RBFOX1: variants seen among roughly 807,000 people sequenced by gnomAD.
RBFOX1 encodes the protein RNA binding protein fox-1 homolog 1.
In RBFOX1, 8 loss-of-function variants were observed where a neutral mutation model predicts 57.7. The observed-to-expected ratio is 0.14, with a 90% CI of 0.08 to 0.25. The LOEUF (loss-of-function observed/expected upper bound fraction) is 0.25, where lower values mean the gene tolerates loss of function less well. RBFOX1 is among the 10% of genes least tolerant of loss of function. RBFOX1 has a pLI of 1.00. For missense variants in RBFOX1, 611 were observed against 548.5 expected, an observed-to-expected ratio of 1.11 and a Z score of -1.14; for synonymous variants, 326 against 222.4, an observed-to-expected ratio of 1.47 and a Z score of -4.15.
At chr16:6,610,606 C>G (rs544712691) in intron 2 of RBFOX1, among the ~76,000 whole-genome samples, 1 of 152,020 alleles carries the variant, frequency 6.6e-6, no homozygotes, top group African/African-American at 2.4e-5. Flanking sequence ...CTGGGATTAC[C>G]GGTGTAAACT....
intron 4 of RBFOX1, among the ~76,000 whole-genome samples, chr16:7,386,251 T>C (rs2097878943): frequency 6.6e-6 from 1 of 152,192 alleles, no homozygotes; most frequent in Non-Finnish European, 1.5e-5. Flanking sequence ...TCCTTTATGA[T>C]ACTTTCAGTT....
intron 2 of RBFOX1, among the ~76,000 whole-genome samples, chr16:5,489,800 C>G (rs1003655728): frequency 6.6e-6 from 1 of 152,192 alleles, no homozygotes; most frequent in Non-Finnish European, 1.5e-5. Flanking sequence ...GGTCACCCAG[C>G]TCATATAGTG....
intron 4 of RBFOX1, among the ~76,000 whole-genome samples, chr16:7,485,299 G>A (rs1433415389): frequency 6.6e-6 from 1 of 152,168 alleles, no homozygotes; most frequent in African/African-American, 2.4e-5. Context: ...GGCAGACCAC[G>A]CAGTGACTAT....
intron 4 of RBFOX1, among the ~76,000 whole-genome samples, chr16:7,316,501 C>G (rs1167086926): frequency 1.3e-5 from 2 of 152,148 alleles, no homozygotes; most frequent in East Asian, 1.9e-4. Context: ...CTTATTTAGC[C>G]TCTGTCTCAG....
intron 3 of RBFOX1, among the ~76,000 whole-genome samples, chr16:6,723,234 T>C (rs201383024): frequency 1.3e-5 from 2 of 152,216 alleles, no homozygotes; most frequent in Non-Finnish European, 2.9e-5. Context: ...TTCCCACTAA[T>C]ACTGTGAGAC....
intron 3 of RBFOX1, among the ~76,000 whole-genome samples, chr16:7,038,080 T>G (rs998936930): frequency 7.9e-5 from 12 of 152,000 alleles, no homozygotes; most frequent in African/African-American, 2.4e-4. Flanking sequence ...ATCCCCCACT[T>G]GCCCTCCCCT....
intron 4 of RBFOX1, among the ~76,000 whole-genome samples, chr16:7,328,096 C>A (rs960674734): frequency 6.6e-6 from 1 of 152,158 alleles, no homozygotes. Context: ...TGTCAAACTC[C>A]TGGGCTCAAG....
In RBFOX1 at chr16:5,651,040, C is replaced by CTTTTTTTTTTTTTTTTTTTTTTTT. The variant is rs869240597; in HGVS notation, c.318+52086_318+52109dup. ...TCCTCTGGGAGAACACTACCTCCTT[C>CTTTTTTTTTTTTTTTTTTTTTTTT]TTTTTTTTTTTTTTTTTTTTTTTTT... On this transcript the variant is annotated intron_variant, in intron 3 of 19. Coordinates refer to the RBFOX1 transcript ENST00000641259. Among the ~76,000 whole-genome samples, 2 of 56,854 alleles carry CTTTTTTTTTTTTTTTTTTTTTTTT rather than the reference C, an allele frequency of 3.5e-5. 1 individual carries two copies. Among genetic ancestry groups the CTTTTTTTTTTTTTTTTTTTTTTTT allele is most frequent in the Non-Finnish European group, 5.9e-5 (2 of 33,742 alleles). 37.3% of individuals were successfully genotyped at this position (56,854 alleles called of 152,430 possible).
intron 2 of RBFOX1, among the ~76,000 whole-genome samples, chr16:6,422,666 C>A (rs984799434): frequency 1.3e-5 from 2 of 152,062 alleles, no homozygotes; most frequent in Admixed American, 1.3e-4. Flanking sequence ...CAAAAGAGAA[C>A]AAGAGGGGCG....
intron 2 of RBFOX1, among the ~76,000 whole-genome samples, chr16:6,632,547 G>T (rs2154060376): frequency 6.6e-6 from 1 of 152,310 alleles, no homozygotes; most frequent in South Asian, 2.1e-4. Context: ...AGAGGCTCCT[G>T]TCTTTTACCA....
intron 4 of RBFOX1, among the ~76,000 whole-genome samples, chr16:7,331,284 C>G (rs1376894122): frequency 2.6e-5 from 4 of 152,170 alleles, no homozygotes; most frequent in Admixed American, 6.5e-5. Flanking sequence ...CCAGTTTCAA[C>G]AAAATCTATA....
intron 1 of RBFOX1, among the ~76,000 whole-genome samples, chr16:5,358,203 C>T (rs1384119372): frequency 6.6e-6 from 1 of 152,026 alleles, no homozygotes; most frequent in African/African-American, 2.4e-5. Context: ...CTGACCTCTA[C>T]CTTCACATTA....
At chr16:7,443,805 G>A (rs1462354951) in intron 4 of RBFOX1, among the ~76,000 whole-genome samples, 4 of 152,094 alleles carry the variant, frequency 2.6e-5, no homozygotes, top group South Asian at 4.2e-4. Flanking sequence ...TTACAAAACC[G>A]AAGTACAGAC....
intron 2 of RBFOX1, among the ~76,000 whole-genome samples, chr16:6,436,904 A>G (rs773072730): frequency 6.6e-6 from 1 of 152,042 alleles, no homozygotes; most frequent in Non-Finnish European, 1.5e-5. Flanking sequence ...ACATAGGGGG[A>G]TTTATTATAA....
chr16:6,020,043 C>CAG, intron 1 of RBFOX1, 51 bp downstream of exon 1: 1 of 1,427,784 alleles, frequency 7.0e-7, no homozygotes, highest in Non-Finnish European at 9.2e-7. Context: ...CCTGGTGGGT[C>CAG]AGGTCCAGAA....
intron 2 of RBFOX1, among the ~76,000 whole-genome samples, chr16:5,497,526 G>A (rs1406237611): frequency 6.6e-6 from 1 of 151,506 alleles, no homozygotes; most frequent in Non-Finnish European, 1.5e-5. Context: ...TCTAATCCCA[G>A]CACTTTGGGA....
intron 4 of RBFOX1, among the ~76,000 whole-genome samples, chr16:7,296,671 A>C (rs895678843): frequency 6.6e-6 from 1 of 152,214 alleles, no homozygotes; most frequent in East Asian, 1.9e-4. Flanking sequence ...CTTTTGCTGC[A>C]ATGAATAGGC....
intron 5 of RBFOX1, among the ~76,000 whole-genome samples, chr16:7,564,885 A>G (rs1317510723): frequency 1.3e-5 from 2 of 152,312 alleles, no homozygotes; most frequent in Admixed American, 6.5e-5. Context: ...GAGGAATTTC[A>G]TCACTGGAGC....
intron 3 of RBFOX1, among the ~76,000 whole-genome samples, chr16:6,913,486 C>T (rs1326606227): frequency 1.3e-5 from 2 of 152,266 alleles, no homozygotes; most frequent in East Asian, 1.9e-4. Context: ...TCTTCACACC[C>T]CCACAACCCT....
Sources: allele counts gnomAD v4.1 joint callset (sites outside exome capture counted in the v4.1 genomes callset), GRCh38; gene constraint gnomAD v4.1.1; transcripts MANE v1.5; gene names NCBI Gene and HGNC (gene_info 2026-07-23, HGNC 2026-07-21).